The following HEMK2 variants were observed in gnomAD, a reference collection of about 807,000 sequenced individuals.
The protein encoded by HEMK2 is HemK methyltransferase 2, ETF1 glutamine and histone H4 lysine, also known as methyltransferase HEMK2.
the HEMK2 span, among the ~76,000 whole-genome samples, chr21:28,783,694 AG>A: frequency 6.6e-6 from 1 of 152,090 alleles, no homozygotes; most frequent in African/African-American, 2.4e-5. Flanking sequence ...GCACTATGGG[AG>A]CCCCTCTCTG....
the HEMK2 span, among the ~76,000 whole-genome samples, chr21:28,647,337 A>G: frequency 5.4e-5 from 6 of 111,872 alleles, 1 homozygote; most frequent in Admixed American, 5.4e-4. Flanking sequence ...AAAAAAAAAA[A>G]AAAAAAAAAC....
chr21:28,638,115 C>CA, the HEMK2 span, among the ~76,000 whole-genome samples: 1 of 152,274 alleles, frequency 6.6e-6, no homozygotes, highest in Non-Finnish European at 1.5e-5. Flanking sequence ...ACAACGAAAA[C>CA]AAGATACAAA....
chr21:28,719,330 G>C, the HEMK2 span, among the ~76,000 whole-genome samples: 1 of 152,122 alleles, frequency 6.6e-6, no homozygotes, highest in South Asian at 2.1e-4. Context: ...CATGTGTCAA[G>C]GGTGGGGCCA....
At chr21:28,670,574 T>C in the HEMK2 span, among the ~76,000 whole-genome samples, 2 of 152,230 alleles carry the variant, frequency 1.3e-5, no homozygotes, top group Admixed American at 1.3e-4. Context: ...AAGGCAGATC[T>C]TTCTACTAAG....
the HEMK2 span, among the ~76,000 whole-genome samples, chr21:28,767,301 G>A: frequency 6.6e-6 from 1 of 151,372 alleles, no homozygotes; most frequent in Admixed American, 6.6e-5. Flanking sequence ...GTCTTTTTCA[G>A]CAGCATGAAA....
chr21:28,664,053 A>G, the HEMK2 span, among the ~76,000 whole-genome samples: 2 of 152,356 alleles, frequency 1.3e-5, no homozygotes, highest in Non-Finnish European at 2.9e-5. Context: ...CTATTACAAA[A>G]CAATAAAGTA....
chr21:28,734,838 T>C, the HEMK2 span, among the ~76,000 whole-genome samples: 25,679 of 152,206 alleles, frequency 0.17, 2,692 homozygotes, highest in African/African-American at 0.29. Context: ...GATATTGCTC[T>C]GTAACAAACC....
chr21:28,741,810 C>T, the HEMK2 span, among the ~76,000 whole-genome samples: 11 of 152,132 alleles, frequency 7.2e-5, no homozygotes, highest in Non-Finnish European at 2.9e-5. Context: ...CATTGATGGG[C>T]ATTTAGGTTG....
At chr21:28,803,552 T>C in the HEMK2 span, among the ~76,000 whole-genome samples, 5 of 152,302 alleles carry the variant, frequency 3.3e-5, no homozygotes, top group African/African-American at 1.2e-4. Context: ...GGTTTTCTTT[T>C]TCAGCTTCTT....
At chr21:28,594,219 C>A in the HEMK2 span, among the ~76,000 whole-genome samples, 2 of 152,130 alleles carry the variant, frequency 1.3e-5, no homozygotes, top group South Asian at 4.1e-4. Flanking sequence ...AGAAACTATC[C>A]TAGCCAAGAG....
chr21:28,848,496 A>G, the HEMK2 span, among the ~76,000 whole-genome samples: 2 of 152,136 alleles, frequency 1.3e-5, no homozygotes, highest in South Asian at 4.1e-4. Flanking sequence ...GTAATGTTAA[A>G]TAGAATGATA....
At chr21:28,636,147 TTG>T in the HEMK2 span, among the ~76,000 whole-genome samples, 3 of 152,178 alleles carry the variant, frequency 2.0e-5, no homozygotes, top group Admixed American at 6.5e-5. Context: ...GTTGCCTTTT[TTG>T]GTACATTGAG....
the HEMK2 span, among the ~76,000 whole-genome samples, chr21:28,697,506 C>T: frequency 3.3e-5 from 5 of 152,160 alleles, no homozygotes; most frequent in Non-Finnish European, 4.4e-5. Flanking sequence ...CCCACATCTG[C>T]CTGTCTTCTT....
chr21:28,613,374 G>A, the HEMK2 span, among the ~76,000 whole-genome samples: 2 of 151,990 alleles, frequency 1.3e-5, no homozygotes, highest in Non-Finnish European at 1.5e-5. Flanking sequence ...TACATAGCTT[G>A]CACTCATTTT....
the HEMK2 span, among the ~76,000 whole-genome samples, chr21:28,857,234 GTTAT>G: frequency 6.6e-6 from 1 of 151,168 alleles, no homozygotes; most frequent in East Asian, 1.9e-4. Context: ...TATTGAATTT[GTTAT>G]TTAATTTTAT....
chr21:28,708,185 T>A, the HEMK2 span, among the ~76,000 whole-genome samples: 1 of 150,846 alleles, frequency 6.6e-6, no homozygotes, highest in Non-Finnish European at 1.5e-5. Flanking sequence ...TGACACAATG[T>A]TTTTATGGTT....
the HEMK2 span, among the ~76,000 whole-genome samples, chr21:28,841,446 A>T: frequency 4.2e-5 from 4 of 95,974 alleles, no homozygotes; most frequent in Non-Finnish European, 8.0e-5. Context: ...ATTATATATA[A>T]AATATTATAT....
chr21:28,578,051 A>C, the HEMK2 span, among the ~76,000 whole-genome samples: 7 of 152,218 alleles, frequency 4.6e-5, no homozygotes, highest in Admixed American at 3.9e-4. Context: ...TTTAAGATCA[A>C]GTCTAAACTC....
the HEMK2 span, among the ~76,000 whole-genome samples, chr21:28,842,224 C>T: frequency 1.1e-4 from 16 of 152,070 alleles, no homozygotes; most frequent in Non-Finnish European, 1.6e-4. Context: ...GTGTTATTGG[C>T]ATCATTATTA....
Sources: allele counts gnomAD v4.1 joint callset (sites outside exome capture counted in the v4.1 genomes callset), GRCh38; gene constraint gnomAD v4.1.1; transcripts MANE v1.5; gene names NCBI Gene and HGNC (gene_info 2026-07-23, HGNC 2026-07-21).